The following NBAS variants were observed in gnomAD, a reference collection of about 807,000 sequenced individuals.
NBAS encodes NBAS subunit of NRZ tethering complex.
In NBAS, 219 loss-of-function variants were observed where a neutral mutation model predicts 302.5. The observed-to-expected ratio is 0.72, with a 90% CI of 0.65 to 0.81. NBAS has a LOEUF of 0.81. Ranked by LOEUF, NBAS falls within the 30% of genes least tolerant of loss-of-function variation. The pLI is 0.00. For synonymous variants in NBAS, 1,118 were observed against 1,021.6 expected, an observed-to-expected ratio of 1.09 and a Z score of -1.80; for missense variants, 2,932 against 2,841.6, an observed-to-expected ratio of 1.03 and a Z score of -0.72.
At chr2:14,982,706 GA>G in the NBAS span, among the ~76,000 whole-genome samples, 1 of 152,054 alleles carries the variant, frequency 6.6e-6, no homozygotes, top group Non-Finnish European at 1.5e-5. Flanking sequence ...TCATGAAAAT[GA>G]AAAACAAGGC....
chr2:15,371,195 T>C, intron 31 of NBAS, among the ~76,000 whole-genome samples: 1 of 152,182 alleles, frequency 6.6e-6, no homozygotes, highest in East Asian at 1.9e-4. Flanking sequence ...CGCCAACAGA[T>C]GAAGAAGATC....
intron 31 of NBAS, among the ~76,000 whole-genome samples, chr2:15,369,920 A>G (rs1674402786): frequency 6.6e-6 from 1 of 152,216 alleles, no homozygotes; most frequent in Non-Finnish European, 1.5e-5. Flanking sequence ...GCTGTGCAAT[A>G]TCAATTGCAG....
At chr2:14,800,785 G>GTTTTTTTTT in the NBAS span, among the ~76,000 whole-genome samples, 1 of 129,526 alleles carries the variant, frequency 7.7e-6, no homozygotes, top group African/African-American at 3.2e-5. Flanking sequence ...GATTTAAATT[G>GTTTTTTTTT]TTTTTGTTTT....
At chr2:15,498,420 A>G (rs1681150828) in intron 11 of NBAS, among the ~76,000 whole-genome samples, 1 of 152,224 alleles carries the variant, frequency 6.6e-6, no homozygotes, top group African/African-American at 2.4e-5. Context: ...TTAAAATGGG[A>G]CTATTCAAAA....
the NBAS span, among the ~76,000 whole-genome samples, chr2:15,066,373 A>G: frequency 6.6e-6 from 1 of 152,222 alleles, no homozygotes; most frequent in African/African-American, 2.4e-5. Context: ...AAATGGGACT[A>G]TATCAAACCA....
chr2:14,953,756 G>A, the NBAS span, among the ~76,000 whole-genome samples: 1 of 152,236 alleles, frequency 6.6e-6, no homozygotes, highest in East Asian at 1.9e-4. Context: ...TCCCAGCATG[G>A]ATTGGGCTGT....
chr2:15,421,627 A>G (rs1677217560), intron 23 of NBAS, among the ~76,000 whole-genome samples: 1 of 152,154 alleles, frequency 6.6e-6, no homozygotes, highest in Non-Finnish European at 1.5e-5. Context: ...CCAAAAAAAA[A>G]AAGCCTCTAA....
Position 15,238,671 on chromosome 2 carries a change from G to A in NBAS, c.5740C>T (p.Arg1914Cys), listed in dbSNP as rs1667718178. The A allele has an allele frequency of 6.9e-6, 11 of 1,592,052 alleles. No individual in the cohort carries two copies. Among genetic ancestry groups the A allele is most frequent in the Non-Finnish European group, 9.4e-6 (11 of 1,174,742 alleles). ...KAVTKLSVEARKEMTRKAIKT... is the reference protein window; with the variant it reads ...KAVTKLSVEACKEMTRKAIKT... Reference sequence around the variant, plus strand: ...ATAGCCTTTCTAGTCATCTCTTTACGGGCTTCCACAGACAGCTTAAAAAAA... The same window carrying A: ...ATAGCCTTTCTAGTCATCTCTTTACAGGCTTCCACAGACAGCTTAAAAAAA... The change falls in exon 45 of 52, where the codon CGT becomes TGT. Residue 1914 changes from arginine to cysteine, a missense_variant. Transcript: ENST00000281513.
intron 12 of NBAS, among the ~76,000 whole-genome samples, chr2:15,479,966 C>T (rs1016436991): frequency 3.9e-5 from 6 of 152,214 alleles, no homozygotes; most frequent in African/African-American, 1.4e-4. Context: ...TCAATTCTAA[C>T]ATCTAAGCTA....
chr2:14,984,596 T>C, the NBAS span, among the ~76,000 whole-genome samples: 1 of 152,194 alleles, frequency 6.6e-6, no homozygotes, highest in African/African-American at 2.4e-5. Flanking sequence ...TAAATACAAC[T>C]GCTTATATGT....
At chr2:15,378,815 G>A (rs553148042) in intron 30 of NBAS, among the ~76,000 whole-genome samples, 5 of 152,120 alleles carry the variant, frequency 3.3e-5, no homozygotes, top group Non-Finnish European at 7.4e-5. Flanking sequence ...TTAAGTTGGG[G>A]ACTGTCTGTA....
chr2:15,558,425 T>C (rs1193593432), intron 2 of NBAS, among the ~76,000 whole-genome samples, 155 bp downstream of exon 2: 3 of 152,142 alleles, frequency 2.0e-5, no homozygotes, highest in African/African-American at 7.2e-5. Context: ...TATACAAATG[T>C]ATACATATAC....
the NBAS span, among the ~76,000 whole-genome samples, chr2:15,086,303 C>T: frequency 6.6e-6 from 1 of 152,260 alleles, no homozygotes; most frequent in Admixed American, 6.5e-5. Context: ...AGAAGCTGAA[C>T]ACTCGGGATA....
the NBAS span, among the ~76,000 whole-genome samples, chr2:15,099,666 T>C: frequency 6.6e-6 from 1 of 152,002 alleles, no homozygotes; most frequent in Non-Finnish European, 1.5e-5. Context: ...CATGGCCACA[T>C]GTCTAGTGCA....
intron 21 of NBAS, among the ~76,000 whole-genome samples, chr2:15,452,423 G>A (rs60893898): frequency 0.65 from 94,598 of 145,994 alleles, 30,291 homozygotes; most frequent in Middle Eastern, 0.71. Context: ...GTGAAACCCC[G>A]TCTCTACTAA....
At chr2:15,256,866 C>G (rs938514357) in intron 44 of NBAS, among the ~76,000 whole-genome samples, 3 of 152,152 alleles carry the variant, frequency 2.0e-5, no homozygotes, top group African/African-American at 7.2e-5. Flanking sequence ...CATTTATTTA[C>G]TTACATATGT....
chr2:15,140,990 T>C, the NBAS span, among the ~76,000 whole-genome samples: 1 of 152,152 alleles, frequency 6.6e-6, no homozygotes, highest in Non-Finnish European at 1.5e-5. Context: ...TAGGATACAG[T>C]ATTTAGTAAG....
At chr2:15,142,718 C>T in the NBAS span, among the ~76,000 whole-genome samples, 1 of 152,196 alleles carries the variant, frequency 6.6e-6, no homozygotes, top group African/African-American at 2.4e-5. Context: ...CTCTCAAGTG[C>T]TCTCTGTCTA....
chr2:15,098,564 A>G, the NBAS span, among the ~76,000 whole-genome samples: 750 of 114,830 alleles, frequency 6.5e-3, 22 homozygotes, highest in African/African-American at 0.019. Context: ...TATATATTAT[A>G]TATTGTATAT....
Sources: allele counts gnomAD v4.1 joint callset (sites outside exome capture counted in the v4.1 genomes callset), GRCh38; gene constraint gnomAD v4.1.1; transcripts MANE v1.5; gene names NCBI Gene and HGNC (gene_info 2026-07-23, HGNC 2026-07-21).